The following RBMS1 variants were observed in gnomAD, a reference collection of about 807,000 sequenced individuals.
The protein encoded by RBMS1 is RNA-binding motif, single-stranded-interacting protein 1.
In RBMS1, 17 loss-of-function variants were observed where a neutral mutation model predicts 62.3. That is an observed-to-expected ratio of 0.27 (90% confidence interval 0.19 to 0.41). The LOEUF (loss-of-function observed/expected upper bound fraction) is 0.41, where lower values mean the gene tolerates loss of function less well. RBMS1 is among the 10% of genes least tolerant of loss of function. RBMS1 has a pLI of 1.00. For missense variants in RBMS1, 334 were observed against 504.5 expected (o/e 0.66, Z 3.24); for synonymous variants, 172 against 170.0 (o/e 1.01, Z -0.09).
chr2:160,491,894 G>A (rs962646295), intron 1 of RBMS1, among the ~76,000 whole-genome samples: 2 of 152,186 alleles, frequency 1.3e-5, no homozygotes, highest in Non-Finnish European at 2.9e-5. Context: ...CTACCATCTT[G>A]CTGCTTTCTG....
chr2:160,436,539 T>C (rs1046606548), intron 1 of RBMS1, among the ~76,000 whole-genome samples: 3 of 152,260 alleles, frequency 2.0e-5, no homozygotes, highest in African/African-American at 7.2e-5. Context: ...CATTACTTTT[T>C]TAAGCCACAA....
chr2:160,299,512 GA>G (rs75420706), intron 6 of RBMS1, among the ~76,000 whole-genome samples: 49 of 150,060 alleles, frequency 3.3e-4, no homozygotes, highest in African/African-American at 8.3e-4. Context: ...CGGCTTTGCT[GA>G]AAAAAAAAAT....
intron 2 of RBMS1, among the ~76,000 whole-genome samples, chr2:160,337,819 C>G (rs1435836804): frequency 6.6e-6 from 1 of 152,168 alleles, no homozygotes; most frequent in Admixed American, 6.5e-5. Context: ...GCCACTAGCT[C>G]TTAGGGCACC....
At chr2:160,419,460 G>A (rs1696330807) in intron 1 of RBMS1, among the ~76,000 whole-genome samples, 1 of 152,102 alleles carries the variant, frequency 6.6e-6, no homozygotes. Flanking sequence ...ACTCCTAGGT[G>A]TATAAACTCT....
rs369870490 is a variant in RBMS1 at position 160,347,191 on chromosome 2, G to A, written c.251+20025C>T. ...TTTTTCTTTTTTTTCACTAAGGGCC[G>A]GCAATTAATTGCTTAGAATGCTAAA... is the stretch of plus-strand genomic sequence containing the variant. On this transcript the variant is annotated intron_variant, in intron 2 of 13. Coordinates refer to ENST00000348849, the MANE Select transcript of RBMS1 (RefSeq NM_016836.4). 1.2e-3 allele frequency among the ~76,000 whole-genome samples: 188 copies of A among 151,960 alleles called. 4 individuals are homozygous for A. In the South Asian group the frequency reaches 0.037, roughly 30 times the overall value.
At chr2:160,431,600 A>G (rs1245979626) in intron 1 of RBMS1, among the ~76,000 whole-genome samples, 2 of 152,178 alleles carry the variant, frequency 1.3e-5, no homozygotes, top group Non-Finnish European at 2.9e-5. Context: ...ATATCTCTGC[A>G]AGACTTGACT....
At chr2:160,490,169 AG>A (rs1254505848) in intron 1 of RBMS1, among the ~76,000 whole-genome samples, 1 of 152,110 alleles carries the variant, frequency 6.6e-6, no homozygotes, top group Non-Finnish European at 1.5e-5. Context: ...AATACAGCAT[AG>A]GTCATTTTAA....
chr2:160,404,220 G>A (rs1037637330), intron 1 of RBMS1, among the ~76,000 whole-genome samples: 1 of 152,144 alleles, frequency 6.6e-6, no homozygotes, highest in Non-Finnish European at 1.5e-5. Context: ...CTTGAGCTGA[G>A]CAGGTGTATT....
At chr2:160,434,821 T>A (rs960695299) in intron 1 of RBMS1, among the ~76,000 whole-genome samples, 18 of 152,308 alleles carry the variant, frequency 1.2e-4, no homozygotes, top group Admixed American at 6.5e-4. Flanking sequence ...TTTTATCTAA[T>A]GGTTATCTGA....
At chr2:160,438,841 C>A (rs985404455) in intron 1 of RBMS1, among the ~76,000 whole-genome samples, 39 of 152,066 alleles carry the variant, frequency 2.6e-4, no homozygotes, top group African/African-American at 9.2e-4. Context: ...CGCGGCCGGG[C>A]AGAGGCGCCC....
At chr2:160,433,923 G>A (rs992792698) in intron 1 of RBMS1, among the ~76,000 whole-genome samples, 1 of 152,134 alleles carries the variant, frequency 6.6e-6, no homozygotes, top group African/African-American at 2.4e-5. Context: ...CTTAAGTATG[G>A]CATTGTGCAA....
At chr2:160,396,789 T>C (rs1695166786) in intron 1 of RBMS1, among the ~76,000 whole-genome samples, 1 of 152,068 alleles carries the variant, frequency 6.6e-6, no homozygotes, top group African/African-American at 2.4e-5. Flanking sequence ...GGTCTCGAAC[T>C]CCTGACCTCG....
At chr2:160,287,473 C>T (rs1458824265) in intron 6 of RBMS1, among the ~76,000 whole-genome samples, 1 of 152,178 alleles carries the variant, frequency 6.6e-6, no homozygotes, top group Non-Finnish European at 1.5e-5. Flanking sequence ...GGTCCCTTAG[C>T]GTCCCATTAT....
At chr2:160,349,830 G>T (rs184588259) in intron 2 of RBMS1, among the ~76,000 whole-genome samples, 98 of 150,374 alleles carry the variant, frequency 6.5e-4, no homozygotes, top group Middle Eastern at 3.4e-3. Flanking sequence ...AAAGCGGGGT[G>T]GGGGGGTGGA....
chr2:160,440,068 T>TGGAGAGGG (rs1683344507), intron 1 of RBMS1, among the ~76,000 whole-genome samples: 1 of 38,868 alleles, frequency 2.6e-5, no homozygotes, highest in Non-Finnish European at 5.3e-5. Context: ...AGGGAGACCG[T>TGGAGAGGG]GGAGAGGGGA....
chr2:160,475,349 G>A (rs1253611659), intron 1 of RBMS1, among the ~76,000 whole-genome samples: 1 of 152,208 alleles, frequency 6.6e-6, no homozygotes, highest in East Asian at 1.9e-4. Context: ...CTTCCTATTG[G>A]TTCCAATTGG....
chr2:160,356,593 T>C (rs996274571), intron 2 of RBMS1, among the ~76,000 whole-genome samples: 1 of 152,110 alleles, frequency 6.6e-6, no homozygotes, highest in Non-Finnish European at 1.5e-5. Flanking sequence ...TCAGCTGTAT[T>C]ATCCTAAGCA....
At chr2:160,450,580 C>T (rs12692601) in intron 1 of RBMS1, among the ~76,000 whole-genome samples, 1 of 120,822 alleles carries the variant, frequency 8.3e-6, no homozygotes, top group Non-Finnish European at 1.7e-5. Context: ...AAAAAAAAAA[C>T]AAAAAACATT....
intron 4 of RBMS1, among the ~76,000 whole-genome samples, chr2:160,308,231 A>C (rs1287731257): frequency 6.6e-6 from 1 of 151,892 alleles, no homozygotes; most frequent in East Asian, 1.9e-4. Context: ...TGGTCTCTGC[A>C]AAAAAATACA....
Sources: allele counts gnomAD v4.1 joint callset (sites outside exome capture counted in the v4.1 genomes callset), GRCh38; gene constraint gnomAD v4.1.1; transcripts MANE v1.5; gene names NCBI Gene and HGNC (gene_info 2026-07-23, HGNC 2026-07-21).